HEATR4: variants seen among roughly 807,000 people sequenced by gnomAD.
HEATR4 encodes the protein HEAT repeat containing 4.
A neutral mutation model predicts 108.8 loss-of-function variants in HEATR4; 95 were observed. The ratio of observed to expected loss-of-function variants is 0.87; its 90% CI spans 0.74 to 1.04. The LOEUF (loss-of-function observed/expected upper bound fraction) is 1.04, where lower values mean the gene tolerates loss of function less well. HEATR4 is among the 50% of genes least tolerant of loss of function. The pLI is 0.00. For missense variants in HEATR4, 1,152 were observed against 1,253.8 expected (o/e 0.92, Z 1.23); for synonymous variants, 443 against 459.4 (o/e 0.96, Z 0.46).
At chr14:73,520,555 T>C (rs1595131252) in intron 4 of HEATR4, 1 of 277,684 alleles carries the variant, frequency 3.6e-6, no homozygotes, top group Non-Finnish European at 6.7e-6. Flanking sequence ...GAAGGGTAGA[T>C]AGAGAAGAGA....
At chr14:73,628,054 C>T in the HEATR4 span, among the ~76,000 whole-genome samples, 1 of 151,846 alleles carries the variant, frequency 6.6e-6, no homozygotes, top group African/African-American at 2.4e-5. Flanking sequence ...AGTGATCTGC[C>T]CGCCTTGGCC....
the HEATR4 span, among the ~76,000 whole-genome samples, chr14:73,589,899 T>A: frequency 6.6e-6 from 1 of 151,948 alleles, no homozygotes; most frequent in Admixed American, 6.6e-5. Context: ...TTGCGGTGAG[T>A]GTTACAGCTC....
At chr14:73,535,850 C>T (rs1888851063) in intron 1 of HEATR4, among the ~76,000 whole-genome samples, 1 of 115,858 alleles carries the variant, frequency 8.6e-6, no homozygotes, top group African/African-American at 2.8e-5. Flanking sequence ...ACCCTGCCAC[C>T]TCAGCCTCCA....
chr14:73,589,811 G>A, the HEATR4 span, among the ~76,000 whole-genome samples: 2 of 151,730 alleles, frequency 1.3e-5, no homozygotes, highest in African/African-American at 4.9e-5. Context: ...TGTACCTTCT[G>A]ATGTTCCCAT....
the HEATR4 span, among the ~76,000 whole-genome samples, chr14:73,618,991 G>T: frequency 6.6e-6 from 1 of 151,922 alleles, no homozygotes; most frequent in African/African-American, 2.4e-5. Context: ...TTAGCCGGGC[G>T]TGGTGGTGGG....
At chr14:73,591,131 C>T in the HEATR4 span, among the ~76,000 whole-genome samples, 1 of 151,962 alleles carries the variant, frequency 6.6e-6, no homozygotes, top group East Asian at 1.9e-4. Context: ...TCTGTAGTCA[C>T]AGCTACTCCG....
At position 73,498,276 on chromosome 14, in the gene HEATR4, C is replaced by G. The variant is rs368290343; in HGVS notation, c.2425G>C (p.Glu809Gln). Residue 809 changes from glutamate to glutamine, a missense_variant, in exon 14 of 18, where the codon GAG (glutamate) becomes CAG (glutamine). By Grantham distance (29) the Glu-to-Gln change is conservative. Coordinates refer to ENST00000553558, the MANE Select transcript of HEATR4 (RefSeq NM_001220484.1). ...DLLLWAIHYEESPGVRLEACR... is the reference protein window; with the variant it reads ...DLLLWAIHYEQSPGVRLEACR... ...GCTTCCAGCCGTACACCTGGTGACT[C>G]TTCATAGTGGATAGCCCAGAGCAGA... 1.9e-5 allele frequency: 31 copies of G among 1,613,906 alleles called. No individual in the cohort carries two copies. Among genetic ancestry groups the G allele is most frequent in the Middle Eastern group, 1.6e-4 (1 of 6,082 alleles).
At chr14:73,494,179 A>G (rs1050297460) in intron 16 of HEATR4, among the ~76,000 whole-genome samples, 1 of 152,202 alleles carries the variant, frequency 6.6e-6, no homozygotes, top group African/African-American at 2.4e-5. Context: ...CAAATCTGAC[A>G]AGTGAATATT....
intron 17 of HEATR4, among the ~76,000 whole-genome samples, chr14:73,479,419 T>TTCTTTCTTTCTTTCTTTC (rs1555386802): frequency 1.0e-4 from 11 of 105,152 alleles, no homozygotes; most frequent in East Asian, 3.4e-4. Flanking sequence ...CGGCGTTTTT[T>TTCTTTCTTTCTTTCTTTC]TTTCTTTCTT....
intron 7 of HEATR4, among the ~76,000 whole-genome samples, chr14:73,511,248 C>G: frequency 6.6e-6 from 1 of 152,106 alleles, no homozygotes; most frequent in Non-Finnish European, 1.5e-5. Flanking sequence ...TGCGGTGGCT[C>G]ATGCCTGTAA....
intron 1 of HEATR4, among the ~76,000 whole-genome samples, chr14:73,557,473 G>A (rs1330617005): frequency 1.2e-5 from 1 of 84,856 alleles, no homozygotes; most frequent in African/African-American, 3.9e-5. Flanking sequence ...TGTGCTAAAA[G>A]GAGTAATATC....
rs868780194 is a variant in HEATR4, at chr14:73,549,198, G to C, written c.-152+9553C>G. On this transcript the variant is annotated intron_variant, in intron 1 of 17. Transcript: ENST00000553558. Reference sequence around the variant, plus strand: ...GCTCTCTTCAACCTGTTTTATAAGGGCACCAATCCCATTAATGAGGGTTCC... The same window carrying C: ...GCTCTCTTCAACCTGTTTTATAAGGCCACCAATCCCATTAATGAGGGTTCC... 4.7e-3 allele frequency among the ~76,000 whole-genome samples: 534 copies of C among 112,682 alleles called. 98 individuals carry two copies. The highest frequency in any genetic ancestry group is 0.015 in the African/African-American group (511 of 34,718). The allele number at this position is 112,682 out of a possible 152,430, so 73.9% of individuals were successfully genotyped here. A position where few individuals can be genotyped will look rare whatever the true frequency, so the allele number is the denominator to read the frequency against.
chr14:73,479,653 G>C (rs776448804), intron 17 of HEATR4, among the ~76,000 whole-genome samples: 3 of 150,470 alleles, frequency 2.0e-5, no homozygotes, highest in Non-Finnish European at 4.4e-5. Context: ...GGCCAGGCTG[G>C]TCTCGAACTC....
At chr14:73,520,140 C>T (rs918952486) in intron 4 of HEATR4, 2 of 152,194 alleles carry the variant, frequency 1.3e-5, no homozygotes, top group East Asian at 1.9e-4. Flanking sequence ...AGAAGACTTT[C>T]AGCTGCAGCA....
chr14:73,537,975 T>C lies in HEATR4; in HGVS notation c.-151-7731A>G. 2 of 1,004,614 alleles carry C rather than the reference T, an allele frequency of 2.0e-6. 1 individual carries two copies. The highest frequency in any genetic ancestry group is 4.0e-5 in the South Asian group (2 of 50,110). The allele number at this position is 1,004,614 out of a possible 1,614,324, so 62.2% of individuals were successfully genotyped here. Reference sequence around the variant, plus strand: ...TGTCCCCTTCGCCCCGCCCCGCTCTTTTCGCTTGTGTGTGTGTCCCTCCTC... The same window carrying C: ...TGTCCCCTTCGCCCCGCCCCGCTCTCTTCGCTTGTGTGTGTGTCCCTCCTC... On this transcript the variant is annotated intron_variant, in intron 1 of 17. Transcript: ENST00000553558.
Position 73,496,661 on chromosome 14 carries a change from C to A in HEATR4, c.2565G>T (p.Met855Ile), listed in dbSNP as rs141407968. Residue 855 changes from methionine (M) to isoleucine (I), a missense_variant, in exon 15 of 18, where the codon ATG (methionine) becomes ATT (isoleucine). Met to Ile is a conservative substitution (Grantham distance 10, BLOSUM62 1). Coordinates refer to ENST00000553558, the MANE Select transcript of HEATR4 (RefSeq NM_001220484.1). ...DAVLKEMYQT[M>I]KILNLGNEGN... is the part of the protein sequence containing the mutation. Reference sequence around the variant, plus strand: ...CTTCATTTCCTAAGTTGAGTATCTTCATTGTCTGGTACATTTCTCTGAAAG... The same window carrying A: ...CTTCATTTCCTAAGTTGAGTATCTTAATTGTCTGGTACATTTCTCTGAAAG... The A allele has an allele frequency of 9.5e-5, 151 of 1,585,528 alleles. 1 individual carries two copies. The African/African-American group carries it at 1.9e-3, about 20-fold the overall frequency.
chr14:73,528,258 G>C (rs1449552042), intron 2 of HEATR4, among the ~76,000 whole-genome samples: 3 of 151,964 alleles, frequency 2.0e-5, no homozygotes. Context: ...TAGCGGGTGT[G>C]GTGGTGGGCA....
the HEATR4 span, among the ~76,000 whole-genome samples, chr14:73,589,557 G>T: frequency 2.0e-5 from 3 of 152,052 alleles, no homozygotes; most frequent in African/African-American, 7.2e-5. Context: ...AACCTCAAGC[G>T]ATCCGCCCAA....
At chr14:73,570,671 G>A in the HEATR4 span, among the ~76,000 whole-genome samples, 7 of 152,138 alleles carry the variant, frequency 4.6e-5, no homozygotes, top group Middle Eastern at 3.4e-3. Context: ...TTGGGAGGCC[G>A]AGGCCGGCGG....
Sources: allele counts gnomAD v4.1 joint callset (sites outside exome capture counted in the v4.1 genomes callset), GRCh38; gene constraint gnomAD v4.1.1; transcripts MANE v1.5; gene names NCBI Gene and HGNC (gene_info 2026-07-23, HGNC 2026-07-21).